Variants in APP observed in about 807,000 individuals in gnomAD.
APP encodes the protein amyloid beta precursor protein.
APP carries 31 observed loss-of-function variants against 101.4 expected under a neutral mutation model. The ratio of observed to expected loss-of-function variants is 0.31; its 90% CI spans 0.23 to 0.41. The LOEUF (loss-of-function observed/expected upper bound fraction) is 0.41. APP is among the 10% of genes least tolerant of loss of function. The probability of loss-of-function intolerance (pLI) is 1.00; values close to 1 mark genes in which losing one functional copy is unlikely to be tolerated. For synonymous variants in APP, 366 were observed against 364.4 expected (o/e 1.00, Z -0.05); for missense variants, 839 against 1,003.7 (o/e 0.84, Z 2.22).
At chr21:26,134,026 G>A (rs1389805633) in intron 1 of APP, among the ~76,000 whole-genome samples, 3 of 152,176 alleles carry the variant, frequency 2.0e-5, no homozygotes, top group Admixed American at 6.5e-5. Context: ...CTTTGCAGGA[G>A]TTTCCAAACA....
intron 11 of APP, among the ~76,000 whole-genome samples, chr21:25,969,487 G>T (rs1238812834): frequency 2.0e-5 from 3 of 151,690 alleles, no homozygotes; most frequent in Non-Finnish European, 2.9e-5. Flanking sequence ...AACAAAAATG[G>T]CAAGTAATGC....
intron 3 of APP, among the ~76,000 whole-genome samples, chr21:26,066,657 T>G (rs1426225392): frequency 1.3e-5 from 2 of 152,136 alleles, no homozygotes; most frequent in Admixed American, 6.5e-5. Context: ...AAATAAAAAT[T>G]TTCATGCTTC....
At chr21:25,948,288 C>T (rs1017769998) in intron 13 of APP, among the ~76,000 whole-genome samples, 1 of 151,704 alleles carries the variant, frequency 6.6e-6, no homozygotes, top group African/African-American at 2.4e-5. Flanking sequence ...TAAACCTAGT[C>T]TACTTTGGAC....
chr21:25,959,941 C>G (rs913127902), intron 11 of APP, among the ~76,000 whole-genome samples: 1 of 152,152 alleles, frequency 6.6e-6, no homozygotes, highest in Non-Finnish European at 1.5e-5. Context: ...CCTAACTTAT[C>G]CTGAAAATCC....
At chr21:26,067,694 T>A (rs535655527) in intron 3 of APP, among the ~76,000 whole-genome samples, 1 of 152,172 alleles carries the variant, frequency 6.6e-6, no homozygotes, top group African/African-American at 2.4e-5. Flanking sequence ...ATATCATAAA[T>A]TGTATTTATA....
intron 1 of APP, chr21:26,157,988 A>G (rs1311445256): frequency 6.6e-6 from 1 of 152,200 alleles, no homozygotes; most frequent in Non-Finnish European, 1.5e-5. Context: ...GTTTTGAGGA[A>G]GTCTCTAGAT....
chr21:26,144,095 G>C (rs571623512), intron 1 of APP, among the ~76,000 whole-genome samples: 1 of 152,234 alleles, frequency 6.6e-6, no homozygotes, highest in South Asian at 2.1e-4. Flanking sequence ...GGAAGAAGAA[G>C]TGCCAAGCAA....
intron 13 of APP, among the ~76,000 whole-genome samples, chr21:25,933,504 T>G (rs532573710): frequency 2.0e-5 from 3 of 152,346 alleles, no homozygotes; most frequent in African/African-American, 7.2e-5. Context: ...AATTAAATAC[T>G]AGGTCTTGCT....
chr21:25,948,274 A>C (rs903478534), intron 13 of APP, among the ~76,000 whole-genome samples: 1 of 151,826 alleles, frequency 6.6e-6, no homozygotes, highest in East Asian at 1.9e-4. Context: ...TAAATATTCT[A>C]TTTTAAACCT....
At chr21:26,058,852 C>A (rs957132667) in intron 3 of APP, among the ~76,000 whole-genome samples, 1 of 152,064 alleles carries the variant, frequency 6.6e-6, no homozygotes, top group African/African-American at 2.4e-5. Context: ...GAGGCCGAGG[C>A]GGGCGGATCA....
chr21:26,071,602 A>C (rs1376811158), intron 3 of APP, among the ~76,000 whole-genome samples: 1 of 152,234 alleles, frequency 6.6e-6, no homozygotes, highest in East Asian at 1.9e-4. Context: ...TTTCATTTAA[A>C]ATTATAAAGA....
At chr21:26,155,268 A>G (rs1441405798) in intron 1 of APP, among the ~76,000 whole-genome samples, 1 of 152,236 alleles carries the variant, frequency 6.6e-6, no homozygotes, top group East Asian at 1.9e-4. Flanking sequence ...TCCGTCTCAA[A>G]AAAATAGTAA....
intron 11 of APP, among the ~76,000 whole-genome samples, chr21:25,959,125 TA>T (rs1200329993): frequency 2.6e-5 from 4 of 152,182 alleles, no homozygotes; most frequent in Non-Finnish European, 5.9e-5. Flanking sequence ...AAGATAGTTC[TA>T]CAAAGCAACT....
At chr21:25,995,782 C>G (rs576365350) in intron 8 of APP, among the ~76,000 whole-genome samples, 3 of 152,142 alleles carry the variant, frequency 2.0e-5, no homozygotes, top group Non-Finnish European at 4.4e-5. Flanking sequence ...CAAACCACAT[C>G]CTTCAAAAGT....
chr21:26,142,541 G>A (rs1005969763), intron 1 of APP, among the ~76,000 whole-genome samples: 16 of 152,102 alleles, frequency 1.1e-4, no homozygotes, highest in African/African-American at 3.1e-4. Flanking sequence ...GATAGAGGTC[G>A]GAGGCTCGCC....
At chr21:25,895,485 G>A (rs1262050262) in intron 16 of APP, among the ~76,000 whole-genome samples, 4 of 152,006 alleles carry the variant, frequency 2.6e-5, no homozygotes, top group Non-Finnish European at 5.9e-5. Flanking sequence ...TATATGTACT[G>A]GGAAGCCAAA....
intron 6 of APP, among the ~76,000 whole-genome samples, chr21:26,009,220 T>C (rs2043672697): frequency 6.6e-6 from 1 of 152,194 alleles, no homozygotes. Flanking sequence ...AGTACACATA[T>C]ATTTGGGAAA....
intron 1 of APP, among the ~76,000 whole-genome samples, chr21:26,118,457 A>C (rs2062485679): frequency 6.6e-6 from 1 of 152,218 alleles, no homozygotes; most frequent in African/African-American, 2.4e-5. Flanking sequence ...AACATATATG[A>C]AACCATACAC....
intron 1 of APP, among the ~76,000 whole-genome samples, chr21:26,152,304 AAAAT>A (rs1419165606): frequency 4.1e-5 from 6 of 145,870 alleles, no homozygotes; most frequent in East Asian, 3.9e-4. Context: ...AAAAAAAAAA[AAAAT>A]GGGCCAAGGA....
Sources: gnomAD v4.1 joint callset for allele counts (sites outside exome capture counted in the v4.1 genomes callset) on GRCh38, gnomAD v4.1.1 for gene constraint, MANE v1.5 for transcripts, NCBI Gene and HGNC (gene_info 2026-07-23, HGNC 2026-07-21) for gene names.